The following TBCD variants were observed in gnomAD, a reference collection of about 807,000 sequenced individuals.
TBCD encodes the protein tubulin folding cofactor D.
In TBCD, 105 loss-of-function variants were observed where a neutral mutation model predicts 169.3. That is an observed-to-expected ratio of 0.62 (90% CI 0.53 to 0.73). The LOEUF is 0.73. Among genes scored for constraint, TBCD ranks in the 30% least tolerant of loss-of-function variants. The pLI is 0.00. For synonymous variants in TBCD, 700 were observed against 643.9 expected, an observed-to-expected ratio of 1.09 and a Z score of -1.32; for missense variants, 1,444 against 1,600.1, an observed-to-expected ratio of 0.90 and a Z score of 1.66.
At chr17:82,926,319 C>G (rs917578548) in intron 27 of TBCD, 81 bp from the exon 28 acceptor site, 32 of 1,362,132 alleles carry the variant, frequency 2.3e-5, no homozygotes, top group Non-Finnish European at 8.3e-6. Flanking sequence ...GTCTGTGGCT[C>G]CGGGCCAACA....
intron 17 of TBCD, among the ~76,000 whole-genome samples, chr17:82,893,860 C>A (rs75407034): frequency 6.6e-6 from 1 of 152,154 alleles, no homozygotes; most frequent in Non-Finnish European, 1.5e-5. Context: ...CATTTACTCA[C>A]GTGTTAAAGA....
chr17:82,909,582 G>A (rs1250522432), intron 22 of TBCD, among the ~76,000 whole-genome samples: 1 of 146,712 alleles, frequency 6.8e-6, no homozygotes, highest in African/African-American at 2.5e-5. Context: ...CACCCGGCCC[G>A]CTGTGGGAGG....
At chr17:82,909,856 A>G (rs1182626017) in intron 22 of TBCD, among the ~76,000 whole-genome samples, 1 of 152,060 alleles carries the variant, frequency 6.6e-6, no homozygotes, top group Non-Finnish European at 1.5e-5. Flanking sequence ...TGCCTCCCTG[A>G]GGGTTTCCCT....
chr17:82,776,521 G>GT (rs2144187106), intron 6 of TBCD, among the ~76,000 whole-genome samples: 1 of 152,270 alleles, frequency 6.6e-6, no homozygotes, highest in African/African-American at 2.4e-5. Flanking sequence ...GACTTTTAAT[G>GT]TGCACAGCAT....
chr17:82,897,387 G>A (rs1042825209), intron 17 of TBCD, among the ~76,000 whole-genome samples: 4 of 151,764 alleles, frequency 2.6e-5, no homozygotes, highest in Non-Finnish European at 4.4e-5. Flanking sequence ...GCATGGTGGC[G>A]CACCCCTGTA....
chr17:82,898,422 C>T (rs1377823258), intron 17 of TBCD, among the ~76,000 whole-genome samples: 2 of 152,204 alleles, frequency 1.3e-5, no homozygotes, highest in Non-Finnish European at 1.5e-5. Context: ...TGCTGCAGAC[C>T]CTGGGGCTTG....
At chr17:82,759,792 T>G (rs75324382) in intron 2 of TBCD, among the ~76,000 whole-genome samples, 2,428 of 152,290 alleles carry the variant, frequency 0.016, 64 homozygotes, top group African/African-American at 0.055. Context: ...AAATCTATAT[T>G]AAATATTCAA....
rs541235169 is a variant in TBCD, at chr17:82,861,953, C to T, written c.1319-8271C>T. 1.0e-4 allele frequency among the ~76,000 whole-genome samples: 15 copies of T among 150,478 alleles called. No homozygotes were observed. The East Asian group carries it at 1.4e-3, about 14-fold the overall frequency. ...TTTTTTTGAGACAGAGTCTCGCTGT[C>T]GCCCAGGCTGGAGTGCTGGAGTGCA... On this transcript the variant is annotated intron_variant, in intron 13 of 38. Transcript: ENST00000355528.
chr17:82,911,038 T>TGGCC (rs976982227), intron 22 of TBCD, among the ~76,000 whole-genome samples: 2 of 152,110 alleles, frequency 1.3e-5, no homozygotes, highest in African/African-American at 4.8e-5. Context: ...GCAGGGCGGG[T>TGGCC]GGCCCTGTTT....
At chr17:82,886,274 G>T (rs2058701177) in intron 15 of TBCD, 1 of 152,260 alleles carries the variant, frequency 6.6e-6, no homozygotes, top group Admixed American at 6.5e-5. Context: ...GGCGACTCAG[G>T]CAGTCAGTGT....
At chr17:82,764,095 A>G (rs1269279962) in intron 3 of TBCD, 33 bp downstream of exon 3, 3 of 1,526,880 alleles carry the variant, frequency 2.0e-6, no homozygotes, top group Non-Finnish European at 2.7e-6. Flanking sequence ...GAGTTGACAG[A>G]TACTTTTGTA....
chr17:82,788,872 C>T (rs1405924107), intron 7 of TBCD, among the ~76,000 whole-genome samples: 1 of 152,338 alleles, frequency 6.6e-6, no homozygotes, highest in Non-Finnish European at 1.5e-5. Context: ...AGACCTCTCA[C>T]CGCAGAGGCT....
At chr17:82,758,040 T>C (rs1598375202) in intron 2 of TBCD, among the ~76,000 whole-genome samples, 2 of 152,186 alleles carry the variant, frequency 1.3e-5, no homozygotes, top group African/African-American at 4.8e-5. Context: ...TAACACTTGT[T>C]GTGAGCTGCT....
intron 13 of TBCD, among the ~76,000 whole-genome samples, chr17:82,842,589 G>A (rs1027375148): frequency 7.9e-5 from 12 of 152,104 alleles, no homozygotes; most frequent in Non-Finnish European, 1.6e-4. Context: ...TAATCATTTA[G>A]TTTGACATGA....
In TBCD at chr17:82,930,147, C is replaced by T. The variant is rs966174256; in HGVS notation, c.2992-375C>T. 2.4e-5 allele frequency: 7 copies of T among 291,184 alleles called. No homozygotes were observed. The highest frequency in any genetic ancestry group is 7.9e-5 in the South Asian group (2 of 25,202). The allele number at this position is 291,184 out of a possible 1,614,324, so 18.0% of individuals were successfully genotyped here. ...CCGTGCGGGCGCGTGCGGGGAGACC[C>T]GGGCCACATGCGAGCGGGGCCCCGA... On this transcript the variant is annotated intron_variant, in intron 32 of 38. Coordinates refer to ENST00000355528, the MANE Select transcript of TBCD (RefSeq NM_005993.5). The surrounding 1 kb of genome is among the most constrained non-coding windows in gnomAD (Gnocchi z 5.2).
At chr17:82,905,901 A>T in intron 19 of TBCD, 35 bp from the exon 20 acceptor site, 1 of 1,532,642 alleles carries the variant, frequency 6.5e-7, no homozygotes, top group Admixed American at 1.8e-5. Flanking sequence ...ACATGTACAC[A>T]CCCTCACCTG....
chr17:82,817,052 T>A (rs960205712), intron 13 of TBCD, among the ~76,000 whole-genome samples: 2 of 152,282 alleles, frequency 1.3e-5, no homozygotes, highest in African/African-American at 2.4e-5. Flanking sequence ...AAGTAAGAGT[T>A]TTTTTATGTA....
chr17:82,934,324 A>C (rs1213064329), intron 34 of TBCD, among the ~76,000 whole-genome samples: 1 of 152,036 alleles, frequency 6.6e-6, no homozygotes, highest in African/African-American at 2.4e-5. Context: ...TTTTAAATCT[A>C]ACAGCATTGA....
intron 5 of TBCD, among the ~76,000 whole-genome samples, chr17:82,769,829 A>G (rs148461209): frequency 7.3e-5 from 11 of 150,422 alleles, no homozygotes; most frequent in African/African-American, 2.7e-4. Flanking sequence ...GTGAACTGAG[A>G]TTACGCCACT....
Sources: gnomAD v4.1 joint callset for allele counts (sites outside exome capture counted in the v4.1 genomes callset) on GRCh38, gnomAD v4.1.1 for gene constraint, Gnocchi (gnomAD v3.1) non-coding constraint, MANE v1.5 for transcripts, NCBI Gene and HGNC (gene_info 2026-07-23, HGNC 2026-07-21) for gene names.